Variants in EPB41L3 observed in about 807,000 individuals in gnomAD.
The protein encoded by EPB41L3 is band 4.1-like protein 3.
Under a neutral mutation model 127.1 loss-of-function variants are expected in EPB41L3, and 57 were observed. The observed-to-expected ratio is 0.45, with a 90% confidence interval of 0.36 to 0.56. EPB41L3 has a LOEUF of 0.56. EPB41L3 is among the 20% of genes least tolerant of loss of function. The pLI, the probability that EPB41L3 is intolerant of heterozygous loss-of-function variation, is 0.00. For synonymous variants in EPB41L3, 572 were observed against 549.5 expected, an observed-to-expected ratio of 1.04 and a Z score of -0.57; for missense variants, 1,273 against 1,372.2, an observed-to-expected ratio of 0.93 and a Z score of 1.14.
chr18:5,553,876 G>T (rs1343734371), intron 3 of EPB41L3, among the ~76,000 whole-genome samples: 5 of 152,226 alleles, frequency 3.3e-5, no homozygotes, highest in African/African-American at 1.2e-4. Context: ...AGCCTCTGGG[G>T]GCCGTGTTAT....
At chr18:5,622,666 T>G (rs375204453) in intron 1 of EPB41L3, among the ~76,000 whole-genome samples, 8 of 152,326 alleles carry the variant, frequency 5.3e-5, no homozygotes, top group African/African-American at 1.9e-4. Flanking sequence ...ACAACTATTT[T>G]AGGCAGAATG....
rs2078525803 is a variant in EPB41L3 at position 5,428,382 on chromosome 18, A to C, written c.996T>G (p.Phe332Leu). 1 of 1,614,106 alleles carries C rather than the reference A, an allele frequency of 6.2e-7. No individual in the cohort carries two copies. The highest frequency in any genetic ancestry group is 8.5e-7 in the Non-Finnish European group (1 of 1,180,052). The change falls in exon 9 of 23, where the codon TTT (phenylalanine) becomes TTG (leucine). Residue 332 changes from phenylalanine (F) to leucine (L), a missense_variant. Coordinates refer to ENST00000341928, the MANE Select transcript of EPB41L3 (RefSeq NM_012307.5). ...AAATCTTTAGAACCTTGGGCCAGGC[A>C]AATCTGTTTATTCGCAGCCGGTCGC... is the stretch of plus-strand genomic sequence containing the variant. Reference protein sequence around the residue: ...IYRDRLRINRFAWPKVLKISY... With the variant: ...IYRDRLRINRLAWPKVLKISY...
intron 14 of EPB41L3, among the ~76,000 whole-genome samples, chr18:5,408,334 C>T (rs1346519758): frequency 2.8e-5 from 4 of 144,790 alleles, no homozygotes; most frequent in Non-Finnish European, 4.5e-5. Context: ...AGTGCAATGG[C>T]GTGATCTCGG....
At chr18:5,438,557 A>T (rs1483198551) in intron 5 of EPB41L3, among the ~76,000 whole-genome samples, 1 of 152,234 alleles carries the variant, frequency 6.6e-6, no homozygotes, top group Non-Finnish European at 1.5e-5. Flanking sequence ...ATATCCAATT[A>T]TAATAAATGT....
intron 1 of EPB41L3, among the ~76,000 whole-genome samples, chr18:5,518,183 GT>G: frequency 6.6e-6 from 1 of 152,140 alleles, no homozygotes; most frequent in East Asian, 1.9e-4. Context: ...CCTTTCAAGG[GT>G]CCACACGGCC....
intron 3 of EPB41L3, among the ~76,000 whole-genome samples, chr18:5,477,433 G>T (rs887759126): frequency 6.6e-6 from 1 of 152,170 alleles, no homozygotes; most frequent in African/African-American, 2.4e-5. Flanking sequence ...ACAAGGGCAG[G>T]AGCTGGAGGC....
intron 1 of EPB41L3, among the ~76,000 whole-genome samples, chr18:5,499,879 G>C (rs1031453939): frequency 6.9e-6 from 1 of 144,674 alleles, no homozygotes; most frequent in African/African-American, 2.6e-5. Context: ...TTCCTTTGCT[G>C]AAAAAGTTAA....
chr18:5,589,525 T>C (rs560714030), intron 3 of EPB41L3, among the ~76,000 whole-genome samples: 1 of 152,314 alleles, frequency 6.6e-6, no homozygotes, highest in African/African-American at 2.4e-5. Flanking sequence ...GCACACTTAA[T>C]TGTGTTTAGA....
chr18:5,468,903 G>T (rs1364637962), intron 3 of EPB41L3, among the ~76,000 whole-genome samples: 1 of 151,954 alleles, frequency 6.6e-6, no homozygotes, highest in African/African-American at 2.4e-5. Context: ...GCGACAGAGA[G>T]ACTCCATCTC....
intron 1 of EPB41L3, among the ~76,000 whole-genome samples, chr18:5,625,357 C>T (rs945408648): frequency 2.0e-5 from 3 of 151,938 alleles, no homozygotes; most frequent in Non-Finnish European, 4.4e-5. Context: ...GGAGTTACCA[C>T]CACACCACGG....
rs901405427 is a variant in EPB41L3 at position 5,436,537 on chromosome 18, T to C, written c.605+1498A>G. On this transcript the variant is annotated intron_variant, in intron 6 of 22. Coordinates refer to ENST00000341928, the MANE Select transcript of EPB41L3 (RefSeq NM_012307.5). ...CATTCTCCTGCCTCAGCCTCCTGAGTAGCTGGGACTTCAGGCGCCCGCCAC... is the reference window on the plus strand; with the variant it reads ...CATTCTCCTGCCTCAGCCTCCTGAGCAGCTGGGACTTCAGGCGCCCGCCAC... Among the ~76,000 whole-genome samples, 69 of 151,084 alleles carry C rather than the reference T, an allele frequency of 4.6e-4. 1 individual carries two copies. Among genetic ancestry groups the C allele is most frequent in the African/African-American group, 1.6e-3 (67 of 41,186 alleles).
At chr18:5,625,944 CT>C (rs199642476) in intron 1 of EPB41L3, among the ~76,000 whole-genome samples, 7,877 of 143,730 alleles carry the variant, frequency 0.055, 508 homozygotes, top group African/African-American at 0.16. Context: ...TTCTACCATG[CT>C]TTTTTTTTTT....
chr18:5,524,852 AG>A (rs1296023772), intron 1 of EPB41L3, among the ~76,000 whole-genome samples: 1 of 152,160 alleles, frequency 6.6e-6, no homozygotes, highest in Non-Finnish European at 1.5e-5. Flanking sequence ...TCATTTAGCC[AG>A]GGAACAGATG....
chr18:5,617,550 C>G (rs1247115234), intron 1 of EPB41L3, among the ~76,000 whole-genome samples: 1 of 152,134 alleles, frequency 6.6e-6, no homozygotes, highest in African/African-American at 2.4e-5. Flanking sequence ...GATCTCCTGA[C>G]CTCGCGATCC....
At chr18:5,630,098 C>T (rs958341707), upstream of EPB41L3, among the ~76,000 whole-genome samples, 4 of 152,180 alleles carry the variant, frequency 2.6e-5, no homozygotes, top group South Asian at 2.1e-4. Context: ...AGCGCGCAGG[C>T]GGTCGATCCC....
At chr18:5,620,428 T>C (rs2094847516) in intron 1 of EPB41L3, among the ~76,000 whole-genome samples, 1 of 152,218 alleles carries the variant, frequency 6.6e-6, no homozygotes, top group African/African-American at 2.4e-5. Context: ...CAAAACGTCA[T>C]GATACTTTTT....
intron 8 of EPB41L3, 35 bp from the exon 9 acceptor site, chr18:5,428,500 T>C (rs2145553044): frequency 6.2e-7 from 1 of 1,607,786 alleles, no homozygotes; most frequent in South Asian, 1.1e-5. Flanking sequence ...CAGATCAGTA[T>C]CTAACTTATT....
chr18:5,500,790 A>T (rs2091675373), intron 1 of EPB41L3, among the ~76,000 whole-genome samples: 1 of 152,232 alleles, frequency 6.6e-6, no homozygotes, highest in Non-Finnish European at 1.5e-5. Flanking sequence ...TGAATGTAAC[A>T]GTACAGTACA....
In EPB41L3 at chr18:5,392,839, AC is replaced by A. The variant is rs1298913165; in HGVS notation, c.*645del. The A allele has an allele frequency of 6.6e-6, 1 of 152,594 alleles. No homozygotes were observed. Among genetic ancestry groups the A allele is most frequent in the African/African-American group, 2.4e-5 (1 of 41,456 alleles). 9.5% of individuals were successfully genotyped at this position (152,594 alleles called of 1,614,324 possible). ...GCATTAATATGCTAAAATCAGTACTACCTTATAACAAATTAAATGAGATACA... is the reference window on the plus strand; with the variant it reads ...GCATTAATATGCTAAAATCAGTACTACTTATAACAAATTAAATGAGATACA... On this transcript the variant is annotated 3_prime_UTR_variant, in exon 23 of 23. Coordinates refer to ENST00000341928, the MANE Select transcript of EPB41L3 (RefSeq NM_012307.5).
Sources: allele counts gnomAD v4.1 joint callset (sites outside exome capture counted in the v4.1 genomes callset), GRCh38; gene constraint gnomAD v4.1.1; transcripts MANE v1.5; gene names NCBI Gene and HGNC (gene_info 2026-07-23, HGNC 2026-07-21).